TECTA: variants seen among roughly 807,000 people sequenced by gnomAD.
The protein encoded by TECTA is tectorin alpha.
In TECTA, 128 loss-of-function variants were observed where a neutral mutation model predicts 216.8. The observed-to-expected ratio is 0.59, with a 90% confidence interval of 0.51 to 0.68. The LOEUF (loss-of-function observed/expected upper bound fraction) is 0.68. Ranked by LOEUF, TECTA falls within the 30% of genes least tolerant of loss-of-function variation. TECTA has a pLI of 0.00. For missense variants in TECTA, 2,551 were observed against 2,786.2 expected, an observed-to-expected ratio of 0.92 and a Z score of 1.90; for synonymous variants, 1,089 against 1,117.1, an observed-to-expected ratio of 0.97 and a Z score of 0.50.
At chr11:121,189,382 T>C (rs1591474263) in intron 22 of TECTA, among the ~76,000 whole-genome samples, 1 of 151,932 alleles carries the variant, frequency 6.6e-6, no homozygotes, top group African/African-American at 2.4e-5. Context: ...CCTCTTTTTT[T>C]TTTTTCTTTG....
Position 121,178,204 on chromosome 11 carries a change from T to C in TECTA, c.5999+9279T>C, listed in dbSNP as rs548549019. On this transcript the variant is annotated intron_variant, in intron 20 of 23. Transcript: ENST00000392793. ...CACCCACTGTCCTGCGCCCACTGTC[T>C]GGCACTCCCTAGTGAGATGAACCCA... Among the ~76,000 whole-genome samples the C allele has an allele frequency of 4.1e-3, 627 of 152,340 alleles. 4 individuals carry two copies. Among genetic ancestry groups the C allele is most frequent in the African/African-American group, 0.014 (594 of 41,588 alleles).
intron 12 of TECTA, among the ~76,000 whole-genome samples, chr11:121,152,080 G>T (rs1007468863): frequency 2.6e-5 from 4 of 152,226 alleles, no homozygotes; most frequent in African/African-American, 9.6e-5. Flanking sequence ...GAGAGCCCGA[G>T]TGACGCTCTG....
intron 7 of TECTA, among the ~76,000 whole-genome samples, chr11:121,123,151 C>A (rs1946575947): frequency 6.6e-6 from 1 of 152,156 alleles, no homozygotes; most frequent in South Asian, 2.1e-4. Flanking sequence ...GTCCAGGACA[C>A]CCTGGAAAGT....
At position 121,109,376 on chromosome 11, in the gene TECTA, T is replaced by C; in HGVS notation, c.364T>C (p.Leu122=). 6.2e-7 allele frequency: 1 copy of C among 1,614,214 alleles called. No individual in the cohort carries two copies. Among genetic ancestry groups the C allele is most frequent in the Non-Finnish European group, 8.5e-7 (1 of 1,180,034 alleles). ...YYRETMEPAI[L]KRATKDIRKY... Reference sequence around the variant, plus strand: ...CAGAGAGACCATGGAGCCTGCCATCTTGAAAAGAGCCACCAAGGACATCAG... The same window carrying C: ...CAGAGAGACCATGGAGCCTGCCATCCTGAAAAGAGCCACCAAGGACATCAG... The change falls in exon 4 of 24, where the codon TTG becomes CTG. Residue 122 remains leucine (L), a synonymous_variant. Transcript: ENST00000392793.
chr11:121,145,746 C>G lies in TECTA; in HGVS notation c.3735C>G (p.Asn1245Lys). ...CCTATGGTCTGTGTGGCCGCTACAA[C>G]GGCAACCCTGATGATGACCTGGAGA... ...NSTYGLCGRY[N>K]GNPDDDLEMP... The change falls in exon 12 of 24, where the codon AAC (asparagine) becomes AAG (lysine). Residue 1245 changes from asparagine to lysine, a missense_variant. Around this residue, in one of 3 missense-constraint regions of TECTA, gnomAD observed 2,375 missense variants for 2,563.9 expected, o/e 0.93. Transcript: ENST00000392793. The G allele has an allele frequency of 6.2e-7, 1 of 1,614,252 alleles. No homozygotes were observed. The highest frequency in any genetic ancestry group is 1.1e-5 in the South Asian group (1 of 91,084).
chr11:121,160,115 C>A lies in TECTA; in HGVS notation c.4690-20C>A, dbSNP rs776224255. On this transcript the variant is annotated intron_variant, in intron 14 of 23. Coordinates refer to ENST00000392793, the MANE Select transcript of TECTA (RefSeq NM_005422.4). Reference sequence around the variant, plus strand: ...CACCTACTCTAAGCGTAATTATTTTCTTTTTTCCTCCTCCAATAGGTGAAT... The same window carrying A: ...CACCTACTCTAAGCGTAATTATTTTATTTTTTCCTCCTCCAATAGGTGAAT... 12 of 1,614,032 alleles carry A rather than the reference C, an allele frequency of 7.4e-6. No homozygotes were observed. The highest frequency in any genetic ancestry group is 1.7e-5 in the Admixed American group (1 of 60,024).
chr11:121,103,858 A>C, intron 2 of TECTA, among the ~76,000 whole-genome samples: 1 of 152,320 alleles, frequency 6.6e-6, no homozygotes, highest in Middle Eastern at 3.4e-3. Context: ...TCTTAAAATT[A>C]AAAATATTTA....
chr11:121,109,061 G>A, intron 3 of TECTA, 150 bp from the exon 4 acceptor site: 1 of 812,454 alleles, frequency 1.2e-6, no homozygotes, highest in East Asian at 2.6e-5. Flanking sequence ...CTCTTAGTCT[G>A]AGCAATGGAA....
intron 17 of TECTA, among the ~76,000 whole-genome samples, chr11:121,166,277 C>G (rs1025562265): frequency 6.6e-6 from 1 of 152,216 alleles, no homozygotes; most frequent in African/African-American, 2.4e-5. Context: ...CAGTATGCAG[C>G]TTACAGAAAA....
chr11:121,173,167 T>C (rs1947129924), intron 20 of TECTA, among the ~76,000 whole-genome samples: 1 of 152,218 alleles, frequency 6.6e-6, no homozygotes, highest in African/African-American at 2.4e-5. Context: ...GTAGTTTCTT[T>C]TGCTGTGCAG....
intron 13 of TECTA, 112 bp from the exon 14 acceptor site, chr11:121,157,729 C>A: frequency 2.0e-6 from 3 of 1,495,332 alleles, no homozygotes; most frequent in Non-Finnish European, 2.8e-6. Flanking sequence ...CAAATTCCAG[C>A]CCCATTAAAG....
chr11:121,115,336 G>A (rs898350638), intron 6 of TECTA, among the ~76,000 whole-genome samples: 1 of 152,208 alleles, frequency 6.6e-6, no homozygotes, highest in Non-Finnish European at 1.5e-5. Flanking sequence ...GAGCCCCATT[G>A]AAATGCCAGC....
At position 121,157,952 on chromosome 11, in the gene TECTA, C is replaced by T. The variant is rs541385875; in HGVS notation, c.4417C>T (p.Arg1473Cys). ...CAAGTCAGACGAGGAGTGTGCGCTG[C>T]GCAACGGGGTGCGCGGCTGCTTCAG... ...QCKSDEECAL[R>C]NGVRGCFSTK... Residue 1473 changes from arginine to cysteine, a missense_variant, in exon 14 of 24, where the codon CGC becomes TGC. Transcript: ENST00000392793. The T allele has an allele frequency of 1.2e-6, 2 of 1,613,880 alleles. No homozygotes were observed. The highest frequency in any genetic ancestry group is 1.1e-5 in the South Asian group (1 of 91,082).
At chr11:121,104,247 G>T (rs1354326745) in intron 2 of TECTA, among the ~76,000 whole-genome samples, 1 of 149,412 alleles carries the variant, frequency 6.7e-6, no homozygotes, top group Non-Finnish European at 1.5e-5. Context: ...AGATTATAAA[G>T]ATTTTTTTTA....
At chr11:121,184,844 AAGGG>A (rs1231141071) in intron 20 of TECTA, among the ~76,000 whole-genome samples, 1 of 152,210 alleles carries the variant, frequency 6.6e-6, no homozygotes, top group African/African-American at 2.4e-5. Context: ...CTCAAAGGGA[AAGGG>A]AGGGACGTGG....
At chr11:121,181,701 C>T (rs986094566) in intron 20 of TECTA, among the ~76,000 whole-genome samples, 5 of 152,222 alleles carry the variant, frequency 3.3e-5, no homozygotes, top group African/African-American at 1.2e-4. Context: ...CTCACAACCT[C>T]AGGTGATCCA....
At chr11:121,114,533 T>C (rs1946477623) in intron 6 of TECTA, among the ~76,000 whole-genome samples, 1 of 150,304 alleles carries the variant, frequency 6.7e-6, no homozygotes, top group Non-Finnish European at 1.5e-5. Flanking sequence ...AAGAAGGAAA[T>C]AATGCCTCTG....
In TECTA at chr11:121,158,180, A is replaced by G. The variant is rs770672980; in HGVS notation, c.4645A>G (p.Ile1549Val). ...CATCATTTCGCCCGTCTACTTCTAC[A>G]TTAACGAAGAGCAGATTCTCATCAA... ...LTIISPVYFY[I>V]NEEQILINDR... Residue 1549 changes from isoleucine (I) to valine (V), a missense_variant, in exon 14 of 24, where the codon ATT (isoleucine) becomes GTT (valine). Physicochemically the swap from Ile to Val is conservative, Grantham distance 29. Coordinates refer to ENST00000392793, the MANE Select transcript of TECTA (RefSeq NM_005422.4). 8.1e-6 allele frequency: 13 copies of G among 1,613,868 alleles called. No homozygotes were observed. The highest frequency in any genetic ancestry group is 4.5e-5 in the East Asian group (2 of 44,898).
At chr11:121,159,047 C>T (rs1442781582) in intron 14 of TECTA, among the ~76,000 whole-genome samples, 2 of 152,180 alleles carry the variant, frequency 1.3e-5, no homozygotes. Context: ...GACCCGGAGA[C>T]AGCCACATTA....
Sources: allele counts gnomAD v4.1 joint callset (sites outside exome capture counted in the v4.1 genomes callset), GRCh38; gene constraint gnomAD v4.1.1; regional missense constraint gnomAD v4.1.1; transcripts MANE v1.5; gene names NCBI Gene and HGNC (gene_info 2026-07-23, HGNC 2026-07-21).